Variants in ATP6V0A1 observed in about 807,000 individuals in gnomAD.
The protein encoded by ATP6V0A1 is V-type proton ATPase 116 kDa subunit a 1.
A neutral mutation model predicts 105.4 loss-of-function variants in ATP6V0A1; 43 were observed. The observed-to-expected ratio is 0.41, with a 90% CI of 0.32 to 0.53. The LOEUF is 0.53. Ranked by LOEUF, ATP6V0A1 falls within the 20% of genes least tolerant of loss-of-function variation. The probability of loss-of-function intolerance (pLI) is 0.30; values close to 1 mark genes in which losing one functional copy is unlikely to be tolerated. For synonymous variants in ATP6V0A1, 362 were observed against 372.8 expected, an observed-to-expected ratio of 0.97 and a Z score of 0.33; for missense variants, 676 against 1,051.1, an observed-to-expected ratio of 0.64 and a Z score of 4.93.
chr17:42,494,754 A>T (rs2090999407), intron 12 of ATP6V0A1: 1 of 470,672 alleles, frequency 2.1e-6, no homozygotes, highest in African/African-American at 1.9e-5. Flanking sequence ...AAAAAATAAA[A>T]ATTATTTAGG....
chr17:42,482,989 A>G, intron 8 of ATP6V0A1, 49 bp from the exon 9 acceptor site: 1 of 1,285,410 alleles, frequency 7.8e-7, no homozygotes, highest in Non-Finnish European at 1.0e-6. Context: ...ACTTTCTGAG[A>G]TTATTTAAAT....
chr17:42,482,615 G>A (rs1420587284), intron 8 of ATP6V0A1, among the ~76,000 whole-genome samples: 2 of 151,950 alleles, frequency 1.3e-5, no homozygotes, highest in East Asian at 3.9e-4. Flanking sequence ...TGTTGACTTA[G>A]GCTGGGCATG....
Position 42,484,335 on chromosome 17 carries a change from G to T in ATP6V0A1, c.810+1204G>T, listed in dbSNP as rs922477868. 3.3e-5 allele frequency among the ~76,000 whole-genome samples: 5 copies of T among 152,178 alleles called. No homozygotes were observed. In the East Asian group the frequency reaches 9.6e-4, roughly 29 times the overall value. ...GTCTCCCAAAGTACTGGGATTATAG[G>T]TGTGAGCCACCGCGCCCGGCTGATA... On this transcript the variant is annotated intron_variant, in intron 9 of 21. Coordinates refer to ENST00000343619, the MANE Select transcript of ATP6V0A1 (RefSeq NM_001130021.3).
intron 21 of ATP6V0A1, chr17:42,519,115 G>A (rs1459029923): frequency 2.0e-5 from 3 of 152,338 alleles, no homozygotes; most frequent in Admixed American, 1.3e-4. Context: ...TGGGCAGTAT[G>A]TCAGGGAGGC....
intron 5 of ATP6V0A1, among the ~76,000 whole-genome samples, chr17:42,475,789 G>T (rs2088654247): frequency 6.6e-6 from 1 of 152,228 alleles, no homozygotes. Flanking sequence ...TAAGTATGAA[G>T]TGGTGAAATT....
At chr17:42,468,488 C>G (rs1007897978) in intron 4 of ATP6V0A1, among the ~76,000 whole-genome samples, 1 of 152,130 alleles carries the variant, frequency 6.6e-6, no homozygotes, top group Admixed American at 6.6e-5. Flanking sequence ...TGCCTTCTAT[C>G]TAACTGTATG....
At position 42,460,996 on chromosome 17, in the gene ATP6V0A1, G is replaced by T; in HGVS notation, c.102G>T (p.Lys34Asn). 2 of 1,613,906 alleles carry T rather than the reference G, an allele frequency of 1.2e-6. No homozygotes were observed. Among genetic ancestry groups the T allele is most frequent in the Non-Finnish European group, 1.7e-6 (2 of 1,179,776 alleles). The change falls in exon 2 of 22, where the codon AAG becomes AAT. Residue 34 changes from lysine (K) to asparagine (N), a missense_variant. Lys to Asn is a moderately conservative substitution (Grantham distance 94, BLOSUM62 0). Coordinates refer to ENST00000343619, the MANE Select transcript of ATP6V0A1 (RefSeq NM_001130021.3). ...TCAGTGAATTAGGAGAACTTGGAAA[G>T]GTTCAGTTTCGTGACGTAAGTAGTT... ...CCVSELGELG[K>N]VQFRDLNPDV... is the part of the protein sequence containing the mutation.
At position 42,522,157 on chromosome 17, in the gene ATP6V0A1, G is replaced by C. The variant is rs1221028229; in HGVS notation, c.*1037G>C. The C allele has an allele frequency of 6.6e-6, 1 of 152,668 alleles. No homozygotes were observed. Among genetic ancestry groups the C allele is most frequent in the Non-Finnish European group, 1.5e-5 (1 of 68,316 alleles). The allele number at this position is 152,668 out of a possible 1,614,324, so 9.5% of individuals were successfully genotyped here. A position where few individuals can be genotyped will look rare whatever the true frequency, so the allele number is the denominator to read the frequency against. ...TGGAAGCCATTGGCAGGGCTGCCGT[G>C]CATGTGGCTGTGAGGGCTGCACAGT... On this transcript the variant is annotated 3_prime_UTR_variant, in exon 22 of 22. Coordinates refer to ENST00000343619, the MANE Select transcript of ATP6V0A1 (RefSeq NM_001130021.3).
intron 18 of ATP6V0A1, among the ~76,000 whole-genome samples, chr17:42,508,191 C>G (rs571176877): frequency 6.6e-6 from 1 of 152,320 alleles, no homozygotes; most frequent in South Asian, 2.1e-4. Context: ...AGCCCACTCT[C>G]CTTGCCTGAC....
chr17:42,478,394 A>G, intron 6 of ATP6V0A1, 69 bp from the exon 7 acceptor site: 3 of 1,195,438 alleles, frequency 2.5e-6, no homozygotes, highest in Non-Finnish European at 3.2e-6. Context: ...TAAATAAAAA[A>G]GACTTGTATT....
chr17:42,512,260 G>A (rs1258896266), intron 19 of ATP6V0A1, among the ~76,000 whole-genome samples: 2 of 152,234 alleles, frequency 1.3e-5, no homozygotes, highest in African/African-American at 4.8e-5. Flanking sequence ...GCAAGGGTAA[G>A]GCCTGGAAGC....
At chr17:42,487,996 C>CGAAA (rs2090276300) in intron 10 of ATP6V0A1, among the ~76,000 whole-genome samples, 1 of 152,126 alleles carries the variant, frequency 6.6e-6, no homozygotes, top group Non-Finnish European at 1.5e-5. Flanking sequence ...GCATCAGTTT[C>CGAAA]CTGATGCCCT....
At chr17:42,468,390 ATTCTT>A (rs1555600919) in intron 4 of ATP6V0A1, among the ~76,000 whole-genome samples, 3 of 151,934 alleles carry the variant, frequency 2.0e-5, no homozygotes, top group Non-Finnish European at 4.4e-5. Context: ...GAACATTTCA[ATTCTT>A]CTCTTCTAGC....
chr17:42,513,969 G>A lies in ATP6V0A1; in HGVS notation c.2239G>A (p.Ala747Thr). 1 of 1,613,770 alleles carries A rather than the reference G, an allele frequency of 6.2e-7. No homozygotes were observed. Among genetic ancestry groups the A allele is most frequent in the Non-Finnish European group, 8.5e-7 (1 of 1,179,694 alleles). ...CTTGCGGCTCTGGGCCCTCAGCCTC[G>A]CTCATGCGCGTGAGTACCTCTCTCC... ...SYLRLWALSL[A>T]HAQLSEVLWT... Residue 747 changes from alanine (A) to threonine (T), a missense_variant, in exon 20 of 22, where the codon GCT becomes ACT. Physicochemically the swap from Ala to Thr is moderately conservative, Grantham distance 58 (BLOSUM62 0). Transcript: ENST00000343619.
At chr17:42,513,771 A>T in intron 19 of ATP6V0A1, 90 bp from the exon 20 acceptor site, 1 of 1,249,112 alleles carries the variant, frequency 8.0e-7, no homozygotes, top group Non-Finnish European at 1.2e-6. Flanking sequence ...GCCCTGGCCC[A>T]GGTTCAAAGC....
intron 5 of ATP6V0A1, chr17:42,471,391 C>T (rs946305913): frequency 1.4e-5 from 2 of 147,362 alleles, no homozygotes; most frequent in African/African-American, 2.5e-5. Flanking sequence ...CACTGCACTC[C>T]AGCCTGGGCG....
At chr17:42,469,136 C>T (rs529320911) in intron 4 of ATP6V0A1, among the ~76,000 whole-genome samples, 1 of 152,192 alleles carries the variant, frequency 6.6e-6, no homozygotes, top group South Asian at 2.1e-4. Flanking sequence ...GTGTGAGCTA[C>T]CACACCTGGC....
At chr17:42,501,752 G>T (rs968821338) in intron 17 of ATP6V0A1, among the ~76,000 whole-genome samples, 3 of 151,670 alleles carry the variant, frequency 2.0e-5, no homozygotes, top group Non-Finnish European at 4.4e-5. Flanking sequence ...GTGGCCGGGC[G>T]CAGTGCCTCA....
rs779255708 is a variant in ATP6V0A1, at chr17:42,495,073, T to C, written c.1354T>C (p.Leu452=). Residue 452 remains leucine, a synonymous_variant, in exon 13 of 22, where the codon TTG becomes CTG. Coordinates refer to ENST00000343619, the MANE Select transcript of ATP6V0A1 (RefSeq NM_001130021.3). The part of the protein sequence containing the change: ...TVFSGRYIIL[L]MGVFSMYTGL... ...GTTCAGTGGTCGATACATTATTTTA[T>C]TGATGGGTGTGTTCTCCATGTACAC... The C allele has an allele frequency of 3.7e-6, 6 of 1,614,026 alleles. No individual in the cohort carries two copies. The African/African-American group carries it at 4.0e-5, about 11-fold the overall frequency.
Sources: gnomAD v4.1 joint callset for allele counts (sites outside exome capture counted in the v4.1 genomes callset) on GRCh38, gnomAD v4.1.1 for gene constraint, MANE v1.5 for transcripts, NCBI Gene and HGNC (gene_info 2026-07-23, HGNC 2026-07-21) for gene names.